Variants in MGA observed in about 807,000 individuals in gnomAD.
The protein encoded by MGA is MAX dimerization protein MGA.
A neutral mutation model predicts 261.1 loss-of-function variants in MGA; 40 were observed. The observed-to-expected ratio is 0.15, with a 90% CI of 0.12 to 0.20. The LOEUF (loss-of-function observed/expected upper bound fraction) is 0.20. MGA is among the 10% of genes least tolerant of loss of function. The pLI is 1.00. For synonymous variants in MGA, 1,302 were observed against 1,290.6 expected, an observed-to-expected ratio of 1.01 and a Z score of -0.19; for missense variants, 3,397 against 3,630.5, an observed-to-expected ratio of 0.94 and a Z score of 1.65.
Position 41,727,739 on chromosome 15 carries a change from A to C in MGA, c.3657+333A>C, listed in dbSNP as rs1429924898. Among the ~76,000 whole-genome samples, 3 of 152,202 alleles carry C rather than the reference A, an allele frequency of 2.0e-5. No individual in the cohort carries two copies. In the East Asian group the frequency reaches 5.8e-4, roughly 29 times the overall value. ...ATCAATATAAGCAGTATATATTATT[A>C]GTAGAAAAACATTAGGAAAAAGCTT... On this transcript the variant is annotated intron_variant, in intron 10 of 23. Coordinates refer to ENST00000219905, the MANE Select transcript of MGA (RefSeq NM_001164273.2).
intron 9 of MGA, among the ~76,000 whole-genome samples, chr15:41,724,348 G>A (rs544341338): frequency 1.3e-5 from 2 of 151,988 alleles, no homozygotes; most frequent in East Asian, 3.9e-4. Context: ...CACATTTTCC[G>A]TATTCATCAT....
chr15:41,769,260 A>ATC lies in MGA; in HGVS notation c.*1981_*1982dup, dbSNP rs1018399456. The ATC allele has an allele frequency of 6.6e-6, 1 of 151,378 alleles. No individual in the cohort carries two copies. Among genetic ancestry groups the ATC allele is most frequent in the African/African-American group, 2.4e-5 (1 of 40,980 alleles). 9.4% of individuals were successfully genotyped at this position (151,378 alleles called of 1,614,324 possible). On this transcript the variant is annotated 3_prime_UTR_variant, in exon 24 of 24. Coordinates refer to ENST00000219905, the MANE Select transcript of MGA (RefSeq NM_001164273.2). ...CAAGGAGCAGGCAAGTGAGTGAACA[A>ATC]TCCTCAGGAAAAGAAGGACCATTTT...
intron 1 of MGA, among the ~76,000 whole-genome samples, chr15:41,634,091 T>C (rs540125489): frequency 1.7e-3 from 263 of 152,314 alleles, no homozygotes; most frequent in Non-Finnish European, 2.9e-3. Flanking sequence ...TATTTTGATT[T>C]CTTCCCCATC....
chr15:41,701,715 TG>T (rs2151374530), intron 5 of MGA, among the ~76,000 whole-genome samples: 1 of 152,316 alleles, frequency 6.6e-6, no homozygotes, highest in Admixed American at 6.5e-5. Flanking sequence ...GTCTCTGAAG[TG>T]GTGGCAGCTA....
At chr15:41,742,453 C>A in intron 14 of MGA, 93 bp from the exon 15 acceptor site, 1 of 1,426,334 alleles carries the variant, frequency 7.0e-7, no homozygotes, top group Non-Finnish European at 9.5e-7. Context: ...AGAAATTGAC[C>A]CAGTAGTGCA....
intron 5 of MGA, among the ~76,000 whole-genome samples, chr15:41,703,183 G>A (rs1004055251): frequency 1.1e-4 from 17 of 152,082 alleles, no homozygotes; most frequent in African/African-American, 3.9e-4. Flanking sequence ...GGTTGTGACA[G>A]TTTCTCAGAT....
chr15:41,633,054 C>T (rs1034560407), intron 1 of MGA, among the ~76,000 whole-genome samples: 61 of 150,190 alleles, frequency 4.1e-4, no homozygotes, highest in Admixed American at 3.6e-3. Context: ...CGGGTTCAAG[C>T]GATTCTTCTG....
In MGA at chr15:41,750,373, G is replaced by A. The variant is rs770761386; in HGVS notation, c.6766G>A (p.Val2256Ile). 3.1e-6 allele frequency: 5 copies of A among 1,613,924 alleles called. No homozygotes were observed. The South Asian group carries it at 5.5e-5, about 18-fold the overall frequency. ...TTCTAATCCTTCAGCCTTCTCCATTGTTCCTAGGAGAGCTGCAAAAAGCAG... is the reference window on the plus strand; with the variant it reads ...TTCTAATCCTTCAGCCTTCTCCATTATTCCTAGGAGAGCTGCAAAAAGCAG... Residue 2256 changes from valine to isoleucine, a missense_variant, in exon 17 of 24, where the codon GTT (valine) becomes ATT (isoleucine). This residue lies in a region of MGA where 1,410 missense variants were observed against 1,386.4 expected (regional missense o/e 1.02). Transcript: ENST00000219905.
At chr15:41,679,576 C>CCTTTT (rs1401361717) in intron 2 of MGA, among the ~76,000 whole-genome samples, 16 of 152,042 alleles carry the variant, frequency 1.1e-4, no homozygotes, top group African/African-American at 3.4e-4. Context: ...TGAGTGATTT[C>CCTTTT]CTTTTCTTTT....
intron 2 of MGA, among the ~76,000 whole-genome samples, chr15:41,673,835 A>G (rs2058224382): frequency 6.6e-6 from 1 of 151,904 alleles, no homozygotes; most frequent in African/African-American, 2.4e-5. Flanking sequence ...GAGCTACCCC[A>G]TCCCTGGCCA....
intron 1 of MGA, among the ~76,000 whole-genome samples, chr15:41,632,538 C>T (rs2056612109): frequency 6.6e-6 from 1 of 152,126 alleles, no homozygotes; most frequent in Non-Finnish European, 1.5e-5. Flanking sequence ...CTAAAATTTG[C>T]CTCAGCATAC....
At chr15:41,651,664 T>C in intron 1 of MGA, among the ~76,000 whole-genome samples, 1 of 91,224 alleles carries the variant, frequency 1.1e-5, no homozygotes, top group Non-Finnish European at 2.1e-5. Flanking sequence ...CCTTCCCCCT[T>C]CTCCTCCCCA....
intron 20 of MGA, 105 bp downstream of exon 20, chr15:41,760,634 G>A (rs2063398982): frequency 8.9e-7 from 1 of 1,123,322 alleles, no homozygotes; most frequent in Non-Finnish European, 1.3e-6. Context: ...AAATAGAGCT[G>A]CTTAAATGTA....
In MGA at chr15:41,766,167, A is replaced by G. The variant is rs756024888; in HGVS notation, c.8085A>G (p.Leu2695=). ...CCGTCAGGAATGAAGATAATTCCTT[A>G]GAGGATAAGGGTAGAATCTCTTCCA... Residue 2695 remains leucine (L), a synonymous_variant, in exon 24 of 24, where the codon TTA becomes TTG. Coordinates refer to ENST00000219905, the MANE Select transcript of MGA (RefSeq NM_001164273.2). 3.1e-6 allele frequency: 5 copies of G among 1,613,946 alleles called. No homozygotes were observed. The highest frequency in any genetic ancestry group is 4.2e-6 in the Non-Finnish European group (5 of 1,179,910).
intron 2 of MGA, among the ~76,000 whole-genome samples, 156 bp from the exon 3 acceptor site, chr15:41,695,919 G>T (rs1025159748): frequency 2.6e-5 from 4 of 151,990 alleles, no homozygotes; most frequent in Admixed American, 2.0e-4. Context: ...GTTAATCACC[G>T]TGTGGATTTT....
In MGA at chr15:41,762,270, C is replaced by T; in HGVS notation, c.7652C>T (p.Ser2551Phe). The T allele has an allele frequency of 6.2e-7, 1 of 1,613,816 alleles. No homozygotes were observed. Among genetic ancestry groups the T allele is most frequent in the Non-Finnish European group, 8.5e-7 (1 of 1,179,812 alleles). Residue 2551 changes from serine to phenylalanine, a missense_variant, in exon 22 of 24, where the codon TCT becomes TTT. Coordinates refer to ENST00000219905, the MANE Select transcript of MGA (RefSeq NM_001164273.2). ...AGAATTAGCAAACAGCAGGAAGGAT[C>T]TTCTGCATCATCTGTAGATCTTGGA...
intron 2 of MGA, among the ~76,000 whole-genome samples, chr15:41,685,506 C>T (rs1322680257): frequency 2.0e-5 from 3 of 152,070 alleles, no homozygotes; most frequent in African/African-American, 7.2e-5. Flanking sequence ...GCTGGAATTG[C>T]CTTGAATAAT....
chr15:41,662,249 C>T (rs2150842376), intron 1 of MGA, among the ~76,000 whole-genome samples: 2 of 152,324 alleles, frequency 1.3e-5, no homozygotes, highest in East Asian at 3.9e-4. Context: ...AGTTTGACTA[C>T]TGCCAGTTTC....
In MGA at chr15:41,742,872, G is replaced by A. The variant is rs1221223787; in HGVS notation, c.4912G>A (p.Val1638Ile). 8.1e-6 allele frequency: 13 copies of A among 1,613,872 alleles called. No homozygotes were observed. Among genetic ancestry groups the A allele is most frequent in the Non-Finnish European group, 1.0e-5 (12 of 1,179,892 alleles). Reference sequence around the variant, plus strand: ...TTCTGGTGCCACCACTACAGGGGTTGTTGAGGTCTCTGAAACTAATACCAG... The same window carrying A: ...TTCTGGTGCCACCACTACAGGGGTTATTGAGGTCTCTGAAACTAATACCAG... Residue 1638 changes from valine to isoleucine, a missense_variant, in exon 15 of 24, where the codon GTT becomes ATT. By Grantham distance (29) the Val-to-Ile change is conservative. Coordinates refer to ENST00000219905, the MANE Select transcript of MGA (RefSeq NM_001164273.2).
Sources: gnomAD v4.1 joint callset for allele counts (sites outside exome capture counted in the v4.1 genomes callset) on GRCh38, gnomAD v4.1.1 for gene constraint, gnomAD v4.1.1 regional missense constraint, MANE v1.5 for transcripts, NCBI Gene and HGNC (gene_info 2026-07-23, HGNC 2026-07-21) for gene names.